The following AP2M1 variants were observed in gnomAD, a reference collection of about 807,000 sequenced individuals.
AP2M1 encodes adaptor related protein complex 2 subunit mu 1.
AP2M1 carries 5 observed loss-of-function variants against 54.5 expected under a neutral mutation model. The ratio of observed to expected loss-of-function variants is 0.09; its 90% CI spans 0.05 to 0.19. The LOEUF is 0.19. AP2M1 is among the 10% of genes least tolerant of loss of function. The pLI, the probability that AP2M1 is intolerant of heterozygous loss-of-function variation, is 1.00. For missense variants in AP2M1, 178 were observed against 580.2 expected (o/e 0.31, Z 7.12); for synonymous variants, 186 against 208.2 (o/e 0.89, Z 0.92).
chr3:184,179,549 C>G (rs2109030033), intron 3 of AP2M1, among the ~76,000 whole-genome samples: 1 of 152,192 alleles, frequency 6.6e-6, no homozygotes, highest in East Asian at 1.9e-4. Flanking sequence ...AGAGTGTGAT[C>G]TAAGAGAAGG....
At position 184,182,029 on chromosome 3, in the gene AP2M1, G is replaced by C. The variant is rs373467264; in HGVS notation, c.945G>C (p.Leu315=). Residue 315 remains leucine (L), a synonymous_variant, in exon 9 of 12, where the codon CTG becomes CTC. Transcript: ENST00000292807. The surrounding 1 kb of genome is among the most constrained non-coding windows in gnomAD (Gnocchi z 5.5). Reference sequence around the variant, plus strand: ...TCAAGTCCAACTTTAAACCCTCACTGCTGGCTCAGAAGATCGAGGTGAGGA... The same window carrying C: ...TCAAGTCCAACTTTAAACCCTCACTCCTGGCTCAGAAGATCGAGGTGAGGA... ...VVIKSNFKPS[L]LAQKIEVRIP... is the part of the protein sequence containing the mutation. The C allele has an allele frequency of 1.7e-5, 28 of 1,613,842 alleles. No homozygotes were observed. Among genetic ancestry groups the C allele is most frequent in the Non-Finnish European group, 2.3e-5 (27 of 1,179,912 alleles).
rs1403566674 is a variant in AP2M1 at position 184,178,317 on chromosome 3, CTG to C, written c.75-539_75-538del. ...TCCTTTTTCATTCCCTCAACTTGCT[CTG>C]GAGTTGGATCCTGGGCAAGAATGGG... is the stretch of plus-strand genomic sequence containing the variant. On this transcript the variant is annotated intron_variant, in intron 2 of 11. Coordinates refer to ENST00000292807, the MANE Select transcript of AP2M1 (RefSeq NM_004068.4). This position sits in a 1 kb window ranked among gnomAD's most constrained non-coding sequence, Gnocchi z 4.9. 1.4e-6 allele frequency: 2 copies of C among 1,444,332 alleles called. No individual in the cohort carries two copies. Among genetic ancestry groups the C allele is most frequent in the Non-Finnish European group, 1.9e-6 (2 of 1,063,522 alleles). The allele number at this position is 1,444,332 out of a possible 1,614,324, so 89.5% of individuals were successfully genotyped here.
intron 1 of AP2M1, 36 bp downstream of exon 1, chr3:184,174,995 G>A (rs1715013373): frequency 2.5e-6 from 1 of 398,358 alleles, no homozygotes; most frequent in Admixed American, 4.4e-5. Context: ...CGTGGAGGAG[G>A]ACGCTGCGGG....
Position 184,178,831 on chromosome 3 carries a change from A to T in AP2M1, c.75-26A>T. 6.2e-7 allele frequency: 1 copy of T among 1,610,192 alleles called. No homozygotes were observed. Among genetic ancestry groups the T allele is most frequent in the Non-Finnish European group, 8.5e-7 (1 of 1,177,650 alleles). ...GGTAAGGTTCACCTGGGTGCTGAGC[A>T]GGCCCTATGCACTCTTTTCCCTCAG... On this transcript the variant is annotated intron_variant, in intron 2 of 11. Transcript: ENST00000292807. The surrounding 1 kb of genome is among the most constrained non-coding windows in gnomAD (Gnocchi z 4.9).
At position 184,178,235 on chromosome 3, in the gene AP2M1, C is replaced by T; in HGVS notation, c.75-622C>T. On this transcript the variant is annotated intron_variant, in intron 2 of 11. Transcript: ENST00000292807. The surrounding 1 kb of genome is among the most constrained non-coding windows in gnomAD (Gnocchi z 4.9). ...TGCCGTAGCAATAGGTAAGCGGCCT[C>T]TCAAGCTGCTGCCCAGGTACAGGTG... 3.3e-6 allele frequency: 5 copies of T among 1,536,088 alleles called. No individual in the cohort carries two copies. Among genetic ancestry groups the T allele is most frequent in the Non-Finnish European group, 4.4e-6 (5 of 1,146,810 alleles).
chr3:184,179,662 C>CTTTTT lies in AP2M1; in HGVS notation c.341-495_341-491dup, dbSNP rs368749437. ...TGTGACTCTTCTATTGATTTCTTTTCTTTTTTTTTTTTTTTTGAGACAGGG... is the reference window on the plus strand; with the variant it reads ...TGTGACTCTTCTATTGATTTCTTTTCTTTTTTTTTTTTTTTTTTTTTGAGACAGGG... On this transcript the variant is annotated intron_variant, in intron 3 of 11. Coordinates refer to ENST00000292807, the MANE Select transcript of AP2M1 (RefSeq NM_004068.4). 4.4e-5 allele frequency among the ~76,000 whole-genome samples: 6 copies of CTTTTT among 135,104 alleles called. 1 individual carries two copies. Among genetic ancestry groups the CTTTTT allele is most frequent in the South Asian group, 2.3e-4 (1 of 4,356 alleles). The allele number at this position is 135,104 out of a possible 152,430, so 88.6% of individuals were successfully genotyped here.
chr3:184,181,366 T>C lies in AP2M1; in HGVS notation c.707+140T>C. The C allele has an allele frequency of 7.7e-7, 1 of 1,298,472 alleles. No homozygotes were observed. The highest frequency in any genetic ancestry group is 1.1e-6 in the Non-Finnish European group (1 of 932,306). 80.4% of individuals were successfully genotyped at this position (1,298,472 alleles called of 1,614,324 possible). A position where few individuals can be genotyped will look rare whatever the true frequency, so the allele number is the denominator to read the frequency against. ...CCTGACGGTAAGCCTGGCTGTTCGC[T>C]CTTGACATTAGTGCTACGAGAGATG... On this transcript the variant is annotated intron_variant, in intron 7 of 11. Coordinates refer to ENST00000292807, the MANE Select transcript of AP2M1 (RefSeq NM_004068.4). This position sits in a 1 kb window ranked among gnomAD's most constrained non-coding sequence, Gnocchi z 5.7.
At position 184,179,836 on chromosome 3, in the gene AP2M1, A is replaced by G. The variant is rs182545647; in HGVS notation, c.341-333A>G. On this transcript the variant is annotated intron_variant, in intron 3 of 11. Transcript: ENST00000292807. The stretch of plus-strand genomic sequence containing the variant: ...CCACCATGCTTGGCTCATTTTTACT[A>G]CTTTTTGTAGAGCTGGGTCTCGCTA... Among the ~76,000 whole-genome samples, 376 of 151,222 alleles carry G rather than the reference A, an allele frequency of 2.5e-3. 3 individuals carry two copies. Among genetic ancestry groups the G allele is most frequent in the African/African-American group, 8.2e-3 (337 of 41,230 alleles).
chr3:184,182,414 A>C lies in AP2M1; in HGVS notation c.1061+166A>C, dbSNP rs1715303846. The C allele has an allele frequency of 4.2e-6, 3 of 718,828 alleles. No homozygotes were observed. The highest frequency in any genetic ancestry group is 6.8e-6 in the Non-Finnish European group (3 of 442,544). 44.5% of individuals were successfully genotyped at this position (718,828 alleles called of 1,614,324 possible). On this transcript the variant is annotated intron_variant, in intron 10 of 11. Coordinates refer to ENST00000292807, the MANE Select transcript of AP2M1 (RefSeq NM_004068.4). This position sits in a 1 kb window ranked among gnomAD's most constrained non-coding sequence, Gnocchi z 5.5. ...TTTATACCTCCATGTGAGTATGTACACGCCTGCATTTGGGTTCATGCACGT... is the reference window on the plus strand; with the variant it reads ...TTTATACCTCCATGTGAGTATGTACCCGCCTGCATTTGGGTTCATGCACGT...
In AP2M1 at chr3:184,178,838, AT is replaced by A; in HGVS notation, c.75-18del. The A allele has an allele frequency of 1.2e-6, 2 of 1,612,616 alleles. No homozygotes were observed. Among genetic ancestry groups the A allele is most frequent in the South Asian group, 1.1e-5 (1 of 90,974 alleles). On this transcript the variant is annotated intron_variant, in intron 2 of 11. Coordinates refer to ENST00000292807, the MANE Select transcript of AP2M1 (RefSeq NM_004068.4). The surrounding 1 kb of genome is among the most constrained non-coding windows in gnomAD (Gnocchi z 4.9). Reference sequence around the variant, plus strand: ...TTCACCTGGGTGCTGAGCAGGCCCTATGCACTCTTTTCCCTCAGGAGGAACG... The same window carrying A: ...TTCACCTGGGTGCTGAGCAGGCCCTAGCACTCTTTTCCCTCAGGAGGAACG...
Position 184,181,831 on chromosome 3 carries a change from G to A in AP2M1, c.827+16G>A. ...AGCTTATGAGGTGCCATTGGGGTGTGAGGAGGCAGCTAGTGCTGCTGGCAG... is the reference window on the plus strand; with the variant it reads ...AGCTTATGAGGTGCCATTGGGGTGTAAGGAGGCAGCTAGTGCTGCTGGCAG... On this transcript the variant is annotated intron_variant, in intron 8 of 11. Coordinates refer to ENST00000292807, the MANE Select transcript of AP2M1 (RefSeq NM_004068.4). The surrounding 1 kb of genome is among the most constrained non-coding windows in gnomAD (Gnocchi z 5.7). 1 of 1,614,202 alleles carries A rather than the reference G, an allele frequency of 6.2e-7. No homozygotes were observed. The highest frequency in any genetic ancestry group is 8.5e-7 in the Non-Finnish European group (1 of 1,180,042).
In AP2M1 at chr3:184,180,649, A is replaced by T; in HGVS notation, c.428A>T (p.Gln143Leu). 1 of 1,614,156 alleles carries T rather than the reference A, an allele frequency of 6.2e-7. No individual in the cohort carries two copies. The highest frequency in any genetic ancestry group is 1.1e-5 in the South Asian group (1 of 91,086). The stretch of plus-strand genomic sequence containing the variant: ...CGTTGGCCCTGCGGCCTCCAGCATC[A>T]GGTAAGCTCTTCCCTCAGCTTCCAC... ...ITQQGIKSQHQTKEEQSQITS... is the reference protein window; with the variant it reads ...ITQQGIKSQHLTKEEQSQITS... The change falls in exon 5 of 12, where the codon CAG becomes CTG. Residue 143 changes from glutamine to leucine, a missense_variant and splice_region_variant. Coordinates refer to ENST00000292807, the MANE Select transcript of AP2M1 (RefSeq NM_004068.4). The surrounding 1 kb of genome is among the most constrained non-coding windows in gnomAD (Gnocchi z 4.9).
rs762986870 is a variant in AP2M1 at position 184,181,874 on chromosome 3, G to T, written c.828-38G>T. 1 of 1,613,876 alleles carries T rather than the reference G, an allele frequency of 6.2e-7. No individual in the cohort carries two copies. Among genetic ancestry groups the T allele is most frequent in the Non-Finnish European group, 8.5e-7 (1 of 1,179,802 alleles). ...GCTGGCAGACTGGGGAGAGGAAGTG[G>T]GTCAGCTCTTTGGTAACCTTGCTTC... On this transcript the variant is annotated intron_variant, in intron 8 of 11. Transcript: ENST00000292807. The surrounding 1 kb of genome is among the most constrained non-coding windows in gnomAD (Gnocchi z 5.7).
rs771441498 is a variant in AP2M1, at chr3:184,183,742, C to G, written c.*126C>G. The G allele has an allele frequency of 4.2e-6, 5 of 1,177,148 alleles. 1 individual carries two copies. The African/African-American group carries it at 6.1e-5, about 14-fold the overall frequency. 72.9% of individuals were successfully genotyped at this position (1,177,148 alleles called of 1,614,324 possible). A position where few individuals can be genotyped will look rare whatever the true frequency, so the allele number is the denominator to read the frequency against. On this transcript the variant is annotated 3_prime_UTR_variant, in exon 12 of 12. Coordinates refer to ENST00000292807, the MANE Select transcript of AP2M1 (RefSeq NM_004068.4). This position sits in a 1 kb window ranked among gnomAD's most constrained non-coding sequence, Gnocchi z 5.7. ...TTGCTGCCTTCCCTTTGCACCAGCC[C>G]GAGTCTAGGTCTGGGCCAAGCACAT...
Position 184,182,153 on chromosome 3 carries a change from G to A in AP2M1, c.966G>A (p.Val322=). The change falls in exon 10 of 12, where the codon GTG becomes GTA. Residue 322 remains valine, a splice_region_variant and synonymous_variant. Transcript: ENST00000292807. The surrounding 1 kb of genome is among the most constrained non-coding windows in gnomAD (Gnocchi z 5.5). The stretch of plus-strand genomic sequence containing the variant: ...CCTGACAGGTGTGTCACTTCTAGGT[G>A]AGGATCCCAACCCCACTGAACACAA... The part of the protein sequence containing the change: ...KPSLLAQKIE[V]RIPTPLNTSG... The A allele has an allele frequency of 3.1e-6, 5 of 1,614,042 alleles. No individual in the cohort carries two copies. The highest frequency in any genetic ancestry group is 4.2e-6 in the Non-Finnish European group (5 of 1,179,960).
chr3:184,177,968 C>T, intron 2 of AP2M1: 1 of 618,432 alleles, frequency 1.6e-6, no homozygotes, highest in Non-Finnish European at 2.9e-6. Context: ...GCTAGAGCTG[C>T]AGCTGTGGCA....
chr3:184,183,451 G>A lies in AP2M1; in HGVS notation c.1174-31G>A, dbSNP rs750144318. ...AGAGGAGAGCGGCTGTAAGAGGAAGGCCACATTTCTAACTAGCTCTCCTTG... is the reference window on the plus strand; with the variant it reads ...AGAGGAGAGCGGCTGTAAGAGGAAGACCACATTTCTAACTAGCTCTCCTTG... On this transcript the variant is annotated intron_variant, in intron 11 of 11. Coordinates refer to ENST00000292807, the MANE Select transcript of AP2M1 (RefSeq NM_004068.4). This position sits in a 1 kb window ranked among gnomAD's most constrained non-coding sequence, Gnocchi z 5.7. 1.9e-6 allele frequency: 3 copies of A among 1,613,414 alleles called. No homozygotes were observed. The highest frequency in any genetic ancestry group is 2.5e-6 in the Non-Finnish European group (3 of 1,179,756).
chr3:184,176,862 G>C (rs1176112685), intron 1 of AP2M1, 89 bp from the exon 2 acceptor site: 2 of 899,744 alleles, frequency 2.2e-6, no homozygotes, highest in Non-Finnish European at 3.2e-6. Context: ...GTTGAGTCAG[G>C]AAAGAAGCTC....
rs1577060803 is a variant in AP2M1 at position 184,183,055 on chromosome 3, C to A, written c.1173+187C>A. The A allele has an allele frequency of 1.7e-5, 11 of 657,876 alleles. No homozygotes were observed. Among genetic ancestry groups the A allele is most frequent in the Non-Finnish European group, 3.0e-5 (11 of 361,446 alleles). 40.8% of individuals were successfully genotyped at this position (657,876 alleles called of 1,614,324 possible). On this transcript the variant is annotated intron_variant, in intron 11 of 11. Coordinates refer to ENST00000292807, the MANE Select transcript of AP2M1 (RefSeq NM_004068.4). The surrounding 1 kb of genome is among the most constrained non-coding windows in gnomAD (Gnocchi z 5.7). Reference sequence around the variant, plus strand: ...GTAGAAATTACTATTTGTGATGAGGCAAATCTTTTACTTCTCTCGGCTTGT... The same window carrying A: ...GTAGAAATTACTATTTGTGATGAGGAAAATCTTTTACTTCTCTCGGCTTGT...
Sources: gnomAD v4.1 joint callset for allele counts (sites outside exome capture counted in the v4.1 genomes callset) on GRCh38, gnomAD v4.1.1 for gene constraint, Gnocchi (gnomAD v3.1) non-coding constraint, MANE v1.5 for transcripts, NCBI Gene and HGNC (gene_info 2026-07-23, HGNC 2026-07-21) for gene names.